The following PSME3 variants were observed in gnomAD, a reference collection of about 807,000 sequenced individuals.
PSME3 encodes the protein proteasome activator subunit 3.
PSME3 carries 7 observed loss-of-function variants against 38.3 expected under a neutral mutation model. The ratio of observed to expected loss-of-function variants is 0.18; its 90% CI spans 0.10 to 0.34. PSME3 has a LOEUF of 0.34. PSME3 is among the 10% of genes least tolerant of loss of function. The pLI is 1.00. For synonymous variants in PSME3, 108 were observed against 105.7 expected (o/e 1.02, Z -0.13); for missense variants, 192 against 307.6 (o/e 0.62, Z 2.81).
rs573446688 is a variant in PSME3, at chr17:42,841,625, A to G, written c.*47A>G. ...ACTCTGTGAGTCTGGCTCAAGACCGACATTGCCTTGGTTTGTTACATGACT... is the reference window on the plus strand; with the variant it reads ...ACTCTGTGAGTCTGGCTCAAGACCGGCATTGCCTTGGTTTGTTACATGACT... On this transcript the variant is annotated 3_prime_UTR_variant, in exon 11 of 11. Coordinates refer to ENST00000590720, the MANE Select transcript of PSME3 (RefSeq NM_005789.4). 11 of 1,357,612 alleles carry G rather than the reference A, an allele frequency of 8.1e-6. No individual in the cohort carries two copies. The Admixed American group carries it at 2.2e-4, about 27-fold the overall frequency. The allele number at this position is 1,357,612 out of a possible 1,614,324, so 84.1% of individuals were successfully genotyped here.
At chr17:42,835,618 C>A (rs1363425730) in intron 4 of PSME3, among the ~76,000 whole-genome samples, 2 of 151,524 alleles carry the variant, frequency 1.3e-5, no homozygotes, top group Non-Finnish European at 2.9e-5. Context: ...CCAGCTACTT[C>A]GGAGGCTGAG....
rs1390091443 is a variant in PSME3 at position 42,842,899 on chromosome 17, T to G, written c.*1321T>G. On this transcript the variant is annotated 3_prime_UTR_variant, in exon 11 of 11. Transcript: ENST00000590720. ...TTAGTGTCTGTTTCTGACTTATTTT[T>G]CCTGTCTCTGTCTTCCAACCCCCAA... The G allele has an allele frequency of 1.0e-4, 16 of 152,776 alleles. No homozygotes were observed. Among genetic ancestry groups the G allele is most frequent in the Admixed American group, 9.8e-4 (15 of 15,288 alleles). The allele number at this position is 152,776 out of a possible 1,614,324, so 9.5% of individuals were successfully genotyped here. A position where few individuals can be genotyped will look rare whatever the true frequency, so the allele number is the denominator to read the frequency against.
Position 42,834,920 on chromosome 17 carries a change from C to T in PSME3, c.243+44C>T, listed in dbSNP as rs773584948. The T allele has an allele frequency of 3.5e-5, 56 of 1,608,220 alleles. 1 individual carries two copies. In the Middle Eastern group the frequency reaches 1.0e-3, roughly 29 times the overall value. ...TCTTTGTGTTCTTGAGCAGTAGGTC[C>T]TCTGTCCTCTGTTTCCTTGTCAGTT... On this transcript the variant is annotated intron_variant, in intron 4 of 10. Coordinates refer to ENST00000590720, the MANE Select transcript of PSME3 (RefSeq NM_005789.4).
chr17:42,843,377 T>C lies in PSME3; in HGVS notation c.*1799T>C, dbSNP rs2055558001. ...CTTATGCCAGTTGAGCTGAATCTTT[T>C]CCCCAGTATAGTGGAAAGACTGAGG... On this transcript the variant is annotated 3_prime_UTR_variant, in exon 11 of 11. Coordinates refer to ENST00000590720, the MANE Select transcript of PSME3 (RefSeq NM_005789.4). 6.6e-6 allele frequency: 1 copy of C among 152,616 alleles called. No homozygotes were observed. The highest frequency in any genetic ancestry group is 6.5e-5 in the Admixed American group (1 of 15,272). The allele number at this position is 152,616 out of a possible 1,614,324, so 9.5% of individuals were successfully genotyped here.
At chr17:42,840,724 A>G (rs539947372) in intron 10 of PSME3, among the ~76,000 whole-genome samples, 52 of 152,364 alleles carry the variant, frequency 3.4e-4, no homozygotes, top group African/African-American at 1.2e-3. Flanking sequence ...TTAAGTGCAC[A>G]ATACATGTTA....
At chr17:42,839,588 A>G (rs894966528) in intron 10 of PSME3, among the ~76,000 whole-genome samples, 1 of 152,184 alleles carries the variant, frequency 6.6e-6, no homozygotes, top group African/African-American at 2.4e-5. Context: ...TGTGCAGTAC[A>G]ATATGGTTAA....
At chr17:42,835,191 C>G (rs993086586) in intron 4 of PSME3, among the ~76,000 whole-genome samples, 4 of 152,032 alleles carry the variant, frequency 2.6e-5, no homozygotes, top group Non-Finnish European at 5.9e-5. Flanking sequence ...GAGTCCACCA[C>G]CATGCCCACT....
In PSME3 at chr17:42,838,928, T is replaced by C; in HGVS notation, c.475-17T>C. ...ATGGAAGTGGCTTTTGATGCACCTG[T>C]TGTTTGTTTGTTTTAGGAGGAAACA... On this transcript the variant is annotated splice_polypyrimidine_tract_variant and intron_variant, in intron 7 of 10. Transcript: ENST00000590720. The C allele has an allele frequency of 6.2e-7, 1 of 1,613,348 alleles. No individual in the cohort carries two copies. Among genetic ancestry groups the C allele is most frequent in the South Asian group, 1.1e-5 (1 of 91,048 alleles).
chr17:42,840,062 AG>A (rs757463732), intron 10 of PSME3, among the ~76,000 whole-genome samples: 34 of 150,300 alleles, frequency 2.3e-4, no homozygotes, highest in Non-Finnish European at 4.4e-4. Flanking sequence ...GGATCACTTG[AG>A]GTCAGGAGTT....
chr17:42,834,775 C>G lies in PSME3; in HGVS notation c.142C>G (p.Pro48Ala). 1.2e-6 allele frequency: 2 copies of G among 1,613,948 alleles called. No homozygotes were observed. The highest frequency in any genetic ancestry group is 2.2e-5 in the South Asian group (2 of 91,010). The change falls in exon 4 of 11, where the codon CCA (proline) becomes GCA (alanine). Residue 48 changes from proline (P) to alanine (A), a missense_variant. By Grantham distance (27) the Pro-to-Ala change is conservative. Coordinates refer to ENST00000590720, the MANE Select transcript of PSME3 (RefSeq NM_005789.4). Reference sequence around the variant, plus strand: ...TTTTGGGGTGGGTGTCTTTCAGGAACCAATCTTAAACATCCATGACCTAAC... The same window carrying G: ...TTTTGGGGTGGGTGTCTTTCAGGAAGCAATCTTAAACATCCATGACCTAAC... ...LLELDSFLKEPILNIHDLTQI... is the reference protein window; with the variant it reads ...LLELDSFLKEAILNIHDLTQI...
intron 10 of PSME3, among the ~76,000 whole-genome samples, chr17:42,840,691 G>A (rs563697171): frequency 6.6e-6 from 1 of 152,322 alleles, no homozygotes; most frequent in South Asian, 2.1e-4. Flanking sequence ...CACATTGAAG[G>A]ACCTGGTACA....
rs1202831715 is a variant in PSME3 at position 42,838,839 on chromosome 17, G to C, written c.474+40G>C. The C allele has an allele frequency of 3.8e-6, 6 of 1,573,034 alleles. No individual in the cohort carries two copies. In the South Asian group the frequency reaches 6.7e-5, roughly 17 times the overall value. On this transcript the variant is annotated intron_variant, in intron 7 of 10. Transcript: ENST00000590720. ...TTACATACTGGGAAGAGTGGCTTGG[G>C]AGATACTCTCATCTCCCCTGCGTTA...
chr17:42,838,279 G>T (rs1389664145), intron 6 of PSME3, 74 bp downstream of exon 6: 11 of 1,584,708 alleles, frequency 6.9e-6, no homozygotes, highest in East Asian at 4.5e-5. Context: ...GTGGATGTAC[G>T]GGTGGTATGG....
At position 42,833,501 on chromosome 17, in the gene PSME3, G is replaced by A. The variant is rs1308847656; in HGVS notation, c.-131G>A. The stretch of plus-strand genomic sequence containing the variant: ...GACGGCACAGAGGGAGGGAGCGAGC[G>A]AGCAGTGAGTAAGCCAGCAAGGGCG... On this transcript the variant is annotated 5_prime_UTR_variant, in exon 1 of 11. Coordinates refer to ENST00000590720, the MANE Select transcript of PSME3 (RefSeq NM_005789.4). 2 of 1,116,550 alleles carry A rather than the reference G, an allele frequency of 1.8e-6. No homozygotes were observed. Among genetic ancestry groups the A allele is most frequent in the Non-Finnish European group, 2.6e-6 (2 of 759,270 alleles). 69.2% of individuals were successfully genotyped at this position (1,116,550 alleles called of 1,614,324 possible). A position where few individuals can be genotyped will look rare whatever the true frequency, so the allele number is the denominator to read the frequency against.
chr17:42,833,888 G>C, intron 1 of PSME3: 1 of 1,461,848 alleles, frequency 6.8e-7, no homozygotes, highest in South Asian at 1.4e-5. Flanking sequence ...GAGTCCCGGG[G>C]ACACCTCCGC....
chr17:42,841,396 G>A (rs763292780), intron 10 of PSME3, 102 bp from the exon 11 acceptor site: 191 of 596,026 alleles, frequency 3.2e-4, no homozygotes, highest in Non-Finnish European at 4.8e-4. Flanking sequence ...AGGACTTACC[G>A]TATGCAGATG....
chr17:42,838,543 C>T, intron 6 of PSME3, 188 bp from the exon 7 acceptor site: 1 of 674,882 alleles, frequency 1.5e-6, no homozygotes, highest in Non-Finnish European at 2.5e-6. Context: ...GTCTCGAACT[C>T]CTGACCTCAG....
At position 42,837,632 on chromosome 17, in the gene PSME3, C is replaced by T; in HGVS notation, c.244-17C>T. 6.2e-7 allele frequency: 1 copy of T among 1,613,904 alleles called. No homozygotes were observed. On this transcript the variant is annotated splice_polypyrimidine_tract_variant and intron_variant, in intron 4 of 10. Coordinates refer to ENST00000590720, the MANE Select transcript of PSME3 (RefSeq NM_005789.4). ...GGTGTCAAAACTAGGCTCATCCCTGCCTCTTTGTATCCTTAGCCCACTTAT... is the reference window on the plus strand; with the variant it reads ...GGTGTCAAAACTAGGCTCATCCCTGTCTCTTTGTATCCTTAGCCCACTTAT...
Position 42,839,054 on chromosome 17 carries a change from A to AT in PSME3, c.542+42_542+43insT, listed in dbSNP as rs770669646. Reference sequence around the variant, plus strand: ...TTGGCCGAGGCGTTGGGGGCTGATGAGGTGGTGGGCACCATCAAGGGTCTC... The same window carrying AT: ...TTGGCCGAGGCGTTGGGGGCTGATGATGGTGGTGGGCACCATCAAGGGTCTC... On this transcript the variant is annotated intron_variant, in intron 8 of 10. Transcript: ENST00000590720. 1.9e-6 allele frequency: 3 copies of AT among 1,604,972 alleles called. No homozygotes were observed. The South Asian group carries it at 3.3e-5, about 18-fold the overall frequency.
Sources: gnomAD v4.1 joint callset for allele counts (sites outside exome capture counted in the v4.1 genomes callset) on GRCh38, gnomAD v4.1.1 for gene constraint, MANE v1.5 for transcripts, NCBI Gene and HGNC (gene_info 2026-07-23, HGNC 2026-07-21) for gene names.